Variants in FAM114A1 observed in about 807,000 individuals in gnomAD.
FAM114A1 encodes the protein protein NOXP20.
In FAM114A1, 62 loss-of-function variants were observed where a neutral mutation model predicts 64.3. The ratio of observed to expected loss-of-function variants is 0.96; its 90% CI spans 0.79 to 1.19. The LOEUF (loss-of-function observed/expected upper bound fraction) is 1.19. Among genes scored for constraint, FAM114A1 ranks in the 50% most tolerant of loss-of-function variants. The pLI, the probability that FAM114A1 is intolerant of heterozygous loss-of-function variation, is 0.00. For synonymous variants in FAM114A1, 254 were observed against 251.1 expected, an observed-to-expected ratio of 1.01 and a Z score of -0.11; for missense variants, 645 against 676.3, an observed-to-expected ratio of 0.95 and a Z score of 0.51.
At chr4:38,912,263 A>G (rs1308178455) in intron 7 of FAM114A1, among the ~76,000 whole-genome samples, 1 of 152,202 alleles carries the variant, frequency 6.6e-6, no homozygotes, top group Non-Finnish European at 1.5e-5. Context: ...CTTCCAGGCC[A>G]GGATCATTCC....
At chr4:38,896,567 G>A (rs1369773968) in intron 4 of FAM114A1, among the ~76,000 whole-genome samples, 1 of 152,196 alleles carries the variant, frequency 6.6e-6, no homozygotes, top group Non-Finnish European at 1.5e-5. Flanking sequence ...ATGGAGCCAG[G>A]CTCACAGCCT....
At chr4:38,893,562 C>T (rs1165005557) in intron 4 of FAM114A1, among the ~76,000 whole-genome samples, 1 of 152,190 alleles carries the variant, frequency 6.6e-6, no homozygotes, top group Non-Finnish European at 1.5e-5. Flanking sequence ...GCTCTCTGTG[C>T]ACACTTAAAG....
At chr4:38,921,941 T>C (rs1445721891) in intron 8 of FAM114A1, among the ~76,000 whole-genome samples, 2 of 152,234 alleles carry the variant, frequency 1.3e-5, no homozygotes, top group Non-Finnish European at 2.9e-5. Flanking sequence ...TTTATTTATT[T>C]ATTCATTCAT....
chr4:38,936,084 G>T (rs1383967152), intron 13 of FAM114A1, among the ~76,000 whole-genome samples: 3 of 148,860 alleles, frequency 2.0e-5, no homozygotes, highest in Admixed American at 6.6e-5. Context: ...TTTGATTTTT[G>T]TTTTGTTTTT....
chr4:38,871,695 A>G (rs1195934923), intron 2 of FAM114A1, among the ~76,000 whole-genome samples: 1 of 152,158 alleles, frequency 6.6e-6, no homozygotes, highest in African/African-American at 2.4e-5. Flanking sequence ...AGAGATAGGT[A>G]AGGGCTCTAG....
chr4:38,932,255 T>G lies in FAM114A1; in HGVS notation c.1344T>G (p.Ile448Met), dbSNP rs1720707606. 6.2e-7 allele frequency: 1 copy of G among 1,606,640 alleles called. No individual in the cohort carries two copies. Among genetic ancestry groups the G allele is most frequent in the South Asian group, 1.1e-5 (1 of 89,076 alleles). Residue 448 changes from isoleucine (I) to methionine (M), a missense_variant, in exon 12 of 15, where the codon ATT (isoleucine) becomes ATG (methionine). Ile to Met is a conservative substitution (Grantham distance 10, BLOSUM62 1). Transcript: ENST00000358869. ...KTIEEVYMSS[I>M]ESLAEVTARC... ...TTCAGGAAGTATACATGTCGTCCAT[T>G]GAAAGTCTGGCGGAGGTAACAGCGC...
At chr4:38,890,836 T>TAA (rs532949459) in intron 3 of FAM114A1, among the ~76,000 whole-genome samples, 1 of 152,054 alleles carries the variant, frequency 6.6e-6, no homozygotes, top group Non-Finnish European at 1.5e-5. Flanking sequence ...ATAAAACATT[T>TAA]AAAAAAATGA....
chr4:38,942,587 A>C (rs1193264059), intron 14 of FAM114A1, among the ~76,000 whole-genome samples: 1 of 152,172 alleles, frequency 6.6e-6, no homozygotes, highest in African/African-American at 2.4e-5. Context: ...TAGTTACCCT[A>C]ACCTTTAAAT....
At chr4:38,905,893 TG>T (rs751009377) in intron 6 of FAM114A1, 32 bp downstream of exon 6, 1 of 1,577,234 alleles carries the variant, frequency 6.3e-7, no homozygotes, top group Non-Finnish European at 8.6e-7. Context: ...CTCTTTCCCC[TG>T]TATTTCCCAG....
In FAM114A1 at chr4:38,910,672, C is replaced by A. The variant is rs1263817885; in HGVS notation, c.792+1946C>A. Reference sequence around the variant, plus strand: ...CCTTGGGCAGATGATGACATGTGAGCAAATCCTTGAAGGAGATGAGAGCAT... The same window carrying A: ...CCTTGGGCAGATGATGACATGTGAGAAAATCCTTGAAGGAGATGAGAGCAT... On this transcript the variant is annotated intron_variant, in intron 7 of 14. Transcript: ENST00000358869. 2.6e-5 allele frequency among the ~76,000 whole-genome samples: 4 copies of A among 152,164 alleles called. No homozygotes were observed. The East Asian group carries it at 7.7e-4, about 29-fold the overall frequency.
At chr4:38,922,914 T>C in intron 9 of FAM114A1, 21 bp downstream of exon 9, 1 of 1,598,074 alleles carries the variant, frequency 6.3e-7, no homozygotes, top group East Asian at 2.2e-5. Context: ...ATAACTTAAA[T>C]AGCAAGACAA....
At chr4:38,897,599 A>T (rs1355042526) in intron 4 of FAM114A1, among the ~76,000 whole-genome samples, 1 of 152,176 alleles carries the variant, frequency 6.6e-6, no homozygotes, top group Non-Finnish European at 1.5e-5. Context: ...ATCACCTGTC[A>T]CCCATGCCTT....
rs762604823 is a variant in FAM114A1, at chr4:38,908,732, A to G, written c.792+6A>G. On this transcript the variant is annotated splice_donor_region_variant and intron_variant, in intron 7 of 14. Transcript: ENST00000358869. ...GAACTGTTTCCTTGTCTCAGGTTGG[A>G]TTATATACGTTTGCAATTTTTTCTT... The G allele has an allele frequency of 1.9e-5, 29 of 1,565,690 alleles. No individual in the cohort carries two copies. The highest frequency in any genetic ancestry group is 2.4e-5 in the Non-Finnish European group (27 of 1,148,786).
intron 7 of FAM114A1, among the ~76,000 whole-genome samples, chr4:38,912,532 G>A (rs554782556): frequency 3.9e-5 from 6 of 152,084 alleles, no homozygotes; most frequent in African/African-American, 7.2e-5. Flanking sequence ...ACAGGTGCCC[G>A]CCACCATGCC....
intron 3 of FAM114A1, among the ~76,000 whole-genome samples, chr4:38,883,563 C>A (rs975107113): frequency 1.3e-5 from 2 of 152,130 alleles, no homozygotes; most frequent in Non-Finnish European, 2.9e-5. Context: ...CCAATGTTAA[C>A]ACTGTTGAGT....
At chr4:38,876,162 CTTTTTTCTT>C (rs1714604006) in intron 2 of FAM114A1, among the ~76,000 whole-genome samples, 1 of 99,262 alleles carries the variant, frequency 1.0e-5, no homozygotes, top group African/African-American at 5.3e-5. Context: ...TAGACTTATT[CTTTTTTCTT>C]TTTTTTTTTT....
chr4:38,914,117 A>G (rs530264884), intron 7 of FAM114A1, among the ~76,000 whole-genome samples: 1 of 151,894 alleles, frequency 6.6e-6, no homozygotes, highest in Non-Finnish European at 1.5e-5. Context: ...ATAAAATAAA[A>G]TAAAAAATTA....
intron 13 of FAM114A1, among the ~76,000 whole-genome samples, chr4:38,936,042 C>T (rs1214012507): frequency 6.6e-6 from 1 of 151,610 alleles, no homozygotes; most frequent in African/African-American, 2.4e-5. Flanking sequence ...CCTCTGTGGC[C>T]CTTATTTTCT....
chr4:38,872,642 C>T (rs1314071626), intron 2 of FAM114A1, among the ~76,000 whole-genome samples: 2 of 152,182 alleles, frequency 1.3e-5, no homozygotes, highest in Non-Finnish European at 2.9e-5. Context: ...CCATACGACT[C>T]ATGTGAGGAT....
Sources: gnomAD v4.1 joint callset for allele counts (sites outside exome capture counted in the v4.1 genomes callset) on GRCh38, gnomAD v4.1.1 for gene constraint, MANE v1.5 for transcripts, NCBI Gene and HGNC (gene_info 2026-07-23, HGNC 2026-07-21) for gene names.